The following DYNC1I1 variants were observed in gnomAD, a reference collection of about 807,000 sequenced individuals.
DYNC1I1 encodes dynein cytoplasmic 1 intermediate chain 1.
DYNC1I1 carries 43 observed loss-of-function variants against 86.6 expected under a neutral mutation model. That is an observed-to-expected ratio of 0.50 (90% CI 0.39 to 0.64). The LOEUF is 0.64. DYNC1I1 is among the 30% of genes least tolerant of loss of function. The probability of loss-of-function intolerance (pLI) is 0.00; values close to 1 mark genes in which losing one functional copy is unlikely to be tolerated. For missense variants in DYNC1I1, 604 were observed against 788.8 expected (o/e 0.77, Z 2.81); for synonymous variants, 262 against 283.7 (o/e 0.92, Z 0.77).
At chr7:95,799,894 T>C (rs1322449984) in intron 1 of DYNC1I1, among the ~76,000 whole-genome samples, 7 of 151,690 alleles carry the variant, frequency 4.6e-5, no homozygotes, top group Non-Finnish European at 1.5e-5. Context: ...TAGGGTGCAA[T>C]TGGTGATGTG....
chr7:96,060,757 T>C (rs1247216927), intron 14 of DYNC1I1, among the ~76,000 whole-genome samples: 1 of 152,078 alleles, frequency 6.6e-6, no homozygotes, highest in Non-Finnish European at 1.5e-5. Flanking sequence ...AATCTCTGTA[T>C]ACTTTCTATT....
chr7:95,926,520 T>A (rs1791750094), intron 6 of DYNC1I1, among the ~76,000 whole-genome samples: 1 of 152,204 alleles, frequency 6.6e-6, no homozygotes, highest in South Asian at 2.1e-4. Flanking sequence ...TATTTCTGAA[T>A]GTTAGAATTA....
intron 12 of DYNC1I1, 36 bp from the exon 13 acceptor site, chr7:96,035,583 G>T: frequency 6.5e-7 from 1 of 1,542,070 alleles, no homozygotes; most frequent in Non-Finnish European, 8.7e-7. Flanking sequence ...GCAAGGAGTT[G>T]ACAGATGGAA....
At chr7:96,106,781 T>G (rs1248003278) in intron 16 of DYNC1I1, among the ~76,000 whole-genome samples, 1 of 152,218 alleles carries the variant, frequency 6.6e-6, no homozygotes, top group African/African-American at 2.4e-5. Context: ...ACATATATAA[T>G]ATGAAATAAC....
rs777230119 is a variant in DYNC1I1, at chr7:96,032,755, G to T, written c.1205G>T (p.Ser402Ile). The T allele has an allele frequency of 6.2e-7, 1 of 1,613,290 alleles. No individual in the cohort carries two copies. The highest frequency in any genetic ancestry group is 2.2e-5 in the East Asian group (1 of 44,830). The change falls in exon 12 of 17, where the codon AGC becomes ATC. Residue 402 changes from serine to isoleucine, a missense_variant. Transcript: ENST00000447467. ...VSTDGKMCSW[S>I]LDMLSTPQES... ...ACTGATGGCAAAATGTGTTCCTGGA[G>T]CCTGGACATGCTCTCAACTCCACAG... is the stretch of plus-strand genomic sequence containing the variant.
intron 6 of DYNC1I1, among the ~76,000 whole-genome samples, chr7:95,969,785 G>T (rs914819031): frequency 2.0e-5 from 3 of 152,132 alleles, no homozygotes; most frequent in African/African-American, 7.2e-5. Context: ...GTACTGTCAT[G>T]TTAGAGCCTT....
At chr7:96,084,206 G>GT (rs1473100111) in intron 16 of DYNC1I1, among the ~76,000 whole-genome samples, 1 of 151,168 alleles carries the variant, frequency 6.6e-6, no homozygotes, top group Admixed American at 6.6e-5. Flanking sequence ...TCTTAAAATT[G>GT]TTAAAAATTT....
intron 14 of DYNC1I1, among the ~76,000 whole-genome samples, chr7:96,049,710 G>A (rs1390055054): frequency 1.3e-5 from 2 of 152,060 alleles, no homozygotes; most frequent in Admixed American, 1.3e-4. Flanking sequence ...TTTTTTAAAA[G>A]TCTGCAATAT....
At position 95,778,952 on chromosome 7, in the gene DYNC1I1, T is replaced by C. The variant is rs147692215; in HGVS notation, c.-10+6179T>C. Reference sequence around the variant, plus strand: ...GTGTTGGGATTACAGGTGTGAGCCATTGCACCTGACCCCAGCAAGTTTTTA... The same window carrying C: ...GTGTTGGGATTACAGGTGTGAGCCACTGCACCTGACCCCAGCAAGTTTTTA... On this transcript the variant is annotated intron_variant, in intron 1 of 16. Coordinates refer to ENST00000447467, the MANE Select transcript of DYNC1I1 (RefSeq NM_001135556.2). Among the ~76,000 whole-genome samples the C allele has an allele frequency of 3.0e-3, 456 of 152,202 alleles. 6 individuals are homozygous for C. The highest frequency in any genetic ancestry group is 0.01 in the African/African-American group (426 of 41,540).
In DYNC1I1 at chr7:96,077,688, G is replaced by A. The variant is rs972290199; in HGVS notation, c.1650+1491G>A. ...TTCCTGATTGACTTAGGAGACCGCT[G>A]TAGTAGAAATCCAGCTTAGTTGAGA... On this transcript the variant is annotated intron_variant, in intron 15 of 16. Coordinates refer to ENST00000447467, the MANE Select transcript of DYNC1I1 (RefSeq NM_001135556.2). Among the ~76,000 whole-genome samples, 4 of 152,148 alleles carry A rather than the reference G, an allele frequency of 2.6e-5. No individual in the cohort carries two copies. The South Asian group carries it at 6.2e-4, about 24-fold the overall frequency.
At position 95,878,387 on chromosome 7, in the gene DYNC1I1, G is replaced by GA. The variant is rs1284364977; in HGVS notation, c.490+8397dup. On this transcript the variant is annotated intron_variant, in intron 6 of 16. Transcript: ENST00000447467. The stretch of plus-strand genomic sequence containing the variant: ...TCAACACAGAGCTAGAAATTTTTTG[G>GA]AAAAAAAAGGAATCAAATGTAAATT... 1.3e-4 allele frequency among the ~76,000 whole-genome samples: 20 copies of GA among 150,062 alleles called. 1 individual carries two copies. Among genetic ancestry groups the GA allele is most frequent in the South Asian group, 4.2e-4 (2 of 4,774 alleles).
At chr7:95,943,976 T>A (rs1792318439) in intron 6 of DYNC1I1, among the ~76,000 whole-genome samples, 1 of 152,158 alleles carries the variant, frequency 6.6e-6, no homozygotes, top group African/African-American at 2.4e-5. Flanking sequence ...AAGGACTTCA[T>A]GTCTAAAACA....
At chr7:95,911,024 T>C (rs1791320538) in intron 6 of DYNC1I1, among the ~76,000 whole-genome samples, 1 of 152,190 alleles carries the variant, frequency 6.6e-6, no homozygotes, top group Admixed American at 6.5e-5. Flanking sequence ...AGCTATGCTT[T>C]GAGGGTGTCA....
intron 16 of DYNC1I1, among the ~76,000 whole-genome samples, chr7:96,085,617 G>T (rs1476311212): frequency 6.6e-6 from 1 of 152,122 alleles, no homozygotes; most frequent in Non-Finnish European, 1.5e-5. Context: ...AGCATAAATG[G>T]AAGTTATGCG....
At chr7:95,812,177 A>G (rs1054995345) in intron 3 of DYNC1I1, among the ~76,000 whole-genome samples, 5 of 152,296 alleles carry the variant, frequency 3.3e-5, no homozygotes, top group Non-Finnish European at 7.4e-5. Context: ...GATTTGGGTA[A>G]AACAGTTAAG....
chr7:96,047,246 G>C (rs1789245563), intron 14 of DYNC1I1, among the ~76,000 whole-genome samples: 1 of 152,080 alleles, frequency 6.6e-6, no homozygotes, highest in African/African-American at 2.4e-5. Flanking sequence ...ATCACAGTAG[G>C]GATCAAGTTT....
chr7:95,908,868 A>T (rs1297679309), intron 6 of DYNC1I1, among the ~76,000 whole-genome samples: 1 of 152,132 alleles, frequency 6.6e-6, no homozygotes, highest in Non-Finnish European at 1.5e-5. Flanking sequence ...GTTAAATGTG[A>T]TCTTGGCCTG....
At chr7:95,977,639 G>A in intron 7 of DYNC1I1, 38 bp downstream of exon 7, 8 of 1,566,848 alleles carry the variant, frequency 5.1e-6, no homozygotes, top group Non-Finnish European at 7.0e-6. Context: ...TCATTTTATT[G>A]TTTTGTTTTG....
downstream of DYNC1I1, among the ~76,000 whole-genome samples, chr7:96,102,065 T>G (rs549029258): frequency 1.3e-5 from 2 of 152,166 alleles, no homozygotes; most frequent in South Asian, 4.2e-4. Context: ...AGATGTGGTG[T>G]CATCCCTAGA....
Sources: allele counts gnomAD v4.1 joint callset (sites outside exome capture counted in the v4.1 genomes callset), GRCh38; gene constraint gnomAD v4.1.1; transcripts MANE v1.5; gene names NCBI Gene and HGNC (gene_info 2026-07-23, HGNC 2026-07-21).